The following CDK8 variants were observed in gnomAD, a reference collection of about 807,000 sequenced individuals.
The protein encoded by CDK8 is cyclin dependent kinase 8, also known as cyclin-dependent kinase 8.
Under a neutral mutation model 71.5 loss-of-function variants are expected in CDK8, and 29 were observed. The observed-to-expected ratio is 0.41, with a 90% CI of 0.30 to 0.55. The LOEUF (loss-of-function observed/expected upper bound fraction) is 0.55. Ranked by LOEUF, CDK8 falls within the 20% of genes least tolerant of loss-of-function variation. The pLI is 0.37. For missense variants in CDK8, 288 were observed against 572.6 expected, an observed-to-expected ratio of 0.50 and a Z score of 5.07; for synonymous variants, 161 against 192.1, an observed-to-expected ratio of 0.84 and a Z score of 1.34.
intron 6 of CDK8, among the ~76,000 whole-genome samples, chr13:26,390,675 G>A (rs2138058736): frequency 6.6e-6 from 1 of 152,306 alleles, no homozygotes; most frequent in South Asian, 2.1e-4. Flanking sequence ...GCCACTAAAT[G>A]TGAGGCATTC....
intron 1 of CDK8, among the ~76,000 whole-genome samples, chr13:26,280,523 T>G (rs1163435905): frequency 6.6e-6 from 1 of 152,166 alleles, no homozygotes; most frequent in Non-Finnish European, 1.5e-5. Flanking sequence ...GATACCACAG[T>G]GATATAGTGG....
rs116345500 is a variant in CDK8, at chr13:26,300,505, G to A, written c.129-37062G>A. Among the ~76,000 whole-genome samples, 978 of 152,246 alleles carry A rather than the reference G, an allele frequency of 6.4e-3. 10 individuals are homozygous for A. The highest frequency in any genetic ancestry group is 0.021 in the African/African-American group (868 of 41,536). On this transcript the variant is annotated intron_variant, in intron 1 of 12. Transcript: ENST00000381527. ...GTTGACCATAGGTAACTGATACTGC[G>A]GAAAGCCAACCATGGATTGGGCGGG... is the stretch of plus-strand genomic sequence containing the variant.
chr13:26,333,706 TTTAAA>T (rs1872857844), intron 1 of CDK8, among the ~76,000 whole-genome samples: 1 of 152,176 alleles, frequency 6.6e-6, no homozygotes, highest in Non-Finnish European at 1.5e-5. Flanking sequence ...GAATCCTGTG[TTTAAA>T]TTGGATCTCA....
intron 1 of CDK8, among the ~76,000 whole-genome samples, chr13:26,285,750 C>G (rs1172218207): frequency 1.3e-5 from 2 of 152,112 alleles, no homozygotes; most frequent in Non-Finnish European, 2.9e-5. Flanking sequence ...ACCCTAAAGA[C>G]CCAGAAAGCT....
chr13:26,362,935 C>T (rs1874212567), intron 4 of CDK8, among the ~76,000 whole-genome samples: 1 of 150,606 alleles, frequency 6.6e-6, no homozygotes, highest in African/African-American at 2.4e-5. Context: ...GTATTGTAGT[C>T]CTGTTTTACT....
chr13:26,393,846 A>C (rs1875865864), intron 7 of CDK8, among the ~76,000 whole-genome samples: 1 of 152,214 alleles, frequency 6.6e-6, no homozygotes, highest in Admixed American at 6.5e-5. Flanking sequence ...AGAAACTATA[A>C]ATGAATTCAG....
At chr13:26,400,135 A>G in intron 9 of CDK8, 1 of 228,786 alleles carries the variant, frequency 4.4e-6, no homozygotes. Flanking sequence ...ATCTTAATAG[A>G]AAAAGAATAG....
chr13:26,366,068 G>A (rs1367657426), intron 4 of CDK8, among the ~76,000 whole-genome samples: 2 of 152,046 alleles, frequency 1.3e-5, no homozygotes, highest in African/African-American at 4.8e-5. Flanking sequence ...ATTTGCAAAA[G>A]TACCTGAATC....
intron 3 of CDK8, among the ~76,000 whole-genome samples, chr13:26,350,997 T>G (rs1166724067): frequency 2.0e-5 from 3 of 152,004 alleles, no homozygotes; most frequent in Admixed American, 6.6e-5. Flanking sequence ...AACTTTGAGA[T>G]ATATATATAG....
intron 1 of CDK8, among the ~76,000 whole-genome samples, chr13:26,290,207 T>C (rs1873231623): frequency 6.6e-6 from 1 of 152,194 alleles, no homozygotes; most frequent in African/African-American, 2.4e-5. Flanking sequence ...ATAACTGTAT[T>C]AAAAAGTGTT....
chr13:26,282,031 A>G (rs189291485), intron 1 of CDK8, among the ~76,000 whole-genome samples: 154 of 150,436 alleles, frequency 1.0e-3, no homozygotes, highest in Non-Finnish European at 1.8e-3. Context: ...CAAAAAGAAT[A>G]AAAAAAAAGA....
At chr13:26,340,273 C>A (rs905988010) in intron 2 of CDK8, among the ~76,000 whole-genome samples, 1 of 151,898 alleles carries the variant, frequency 6.6e-6, no homozygotes, top group Non-Finnish European at 1.5e-5. Context: ...AATTTTTAAA[C>A]GTGAGGTATT....
intron 1 of CDK8, among the ~76,000 whole-genome samples, chr13:26,285,235 A>AAAAACAAAAC (rs370362781): frequency 1.3e-5 from 2 of 152,202 alleles, no homozygotes; most frequent in Non-Finnish European, 2.9e-5. Flanking sequence ...TCCGTCTCAA[A>AAAAACAAAAC]AAAACAAAAC....
At chr13:26,375,194 C>A (rs1041355040) in intron 4 of CDK8, among the ~76,000 whole-genome samples, 1 of 152,032 alleles carries the variant, frequency 6.6e-6, no homozygotes, top group Non-Finnish European at 1.5e-5. Context: ...TACTCCAGAA[C>A]GTTTAAAGTG....
At chr13:26,393,743 C>G (rs1875861325) in intron 7 of CDK8, among the ~76,000 whole-genome samples, 1 of 151,956 alleles carries the variant, frequency 6.6e-6, no homozygotes, top group African/African-American at 2.4e-5. Flanking sequence ...TTTGTTTCAT[C>G]TTGTTTTACT....
intron 1 of CDK8, among the ~76,000 whole-genome samples, chr13:26,300,257 C>G (rs916280513): frequency 2.0e-5 from 3 of 152,086 alleles, no homozygotes; most frequent in African/African-American, 7.2e-5. Flanking sequence ...TTCATATAAA[C>G]TATTAATATA....
In CDK8 at chr13:26,382,853, C is replaced by G; in HGVS notation, c.496C>G (p.Arg166Gly). ...NILVMGEGPERGRVKIADMGF... is the reference protein window; with the variant it reads ...NILVMGEGPEGGRVKIADMGF... ...TTTAGTTATGGGTGAAGGTCCTGAG[C>G]GAGGAAGAGTAAAAATTGGTATGTT... Residue 166 changes from arginine to glycine, a missense_variant, in exon 5 of 13, where the codon CGA becomes GGA. Physicochemically the swap from Arg to Gly is moderately radical, Grantham distance 125. Around this residue, in one of 6 missense-constraint regions of CDK8, gnomAD observed 95 missense variants for 177.3 expected, o/e 0.54. Transcript: ENST00000381527. The G allele has an allele frequency of 6.3e-7, 1 of 1,598,674 alleles. No individual in the cohort carries two copies. The highest frequency in any genetic ancestry group is 1.8e-5 in the Admixed American group (1 of 56,488).
intron 1 of CDK8, among the ~76,000 whole-genome samples, chr13:26,290,122 G>T (rs565757823): frequency 6.6e-6 from 1 of 152,264 alleles, no homozygotes; most frequent in South Asian, 2.1e-4. Flanking sequence ...GATCCAGGAA[G>T]TTGCTAATTC....
chr13:26,293,955 C>T (rs1445534135), intron 1 of CDK8, among the ~76,000 whole-genome samples: 1 of 152,130 alleles, frequency 6.6e-6, no homozygotes, highest in Non-Finnish European at 1.5e-5. Flanking sequence ...TGGTAACCAC[C>T]ATTCTACTCT....
Sources: allele counts gnomAD v4.1 joint callset (sites outside exome capture counted in the v4.1 genomes callset), GRCh38; gene constraint gnomAD v4.1.1; regional missense constraint gnomAD v4.1.1; transcripts MANE v1.5; gene names NCBI Gene and HGNC (gene_info 2026-07-23, HGNC 2026-07-21).